ETV1: variants seen among roughly 807,000 people sequenced by gnomAD.
ETV1 encodes ETS translocation variant 1.
A neutral mutation model predicts 62.3 loss-of-function variants in ETV1; 27 were observed. The observed-to-expected ratio is 0.43, with a 90% CI of 0.32 to 0.60. The LOEUF (loss-of-function observed/expected upper bound fraction) is 0.60, where lower values mean the gene tolerates loss of function less well. Ranked by LOEUF, ETV1 falls within the 20% of genes least tolerant of loss-of-function variation. The probability of loss-of-function intolerance (pLI) is 0.06; values close to 1 mark genes in which losing one functional copy is unlikely to be tolerated. For missense variants in ETV1, 605 were observed against 605.8 expected (o/e 1.00, Z 0.01); for synonymous variants, 222 against 199.6 (o/e 1.11, Z -0.94).
chr7:13,964,937 A>C (rs1562690824), intron 6 of ETV1, among the ~76,000 whole-genome samples: 1 of 152,054 alleles, frequency 6.6e-6, no homozygotes, highest in Non-Finnish European at 1.5e-5. Flanking sequence ...TGATATCATT[A>C]ATCTTTATCG....
chr7:13,977,147 T>C (rs536987449), intron 6 of ETV1, among the ~76,000 whole-genome samples: 1 of 152,288 alleles, frequency 6.6e-6, no homozygotes, highest in Admixed American at 6.5e-5. Flanking sequence ...CAAAGATATT[T>C]ACCAATATGA....
intron 9 of ETV1, among the ~76,000 whole-genome samples, chr7:13,911,825 G>A (rs1027887609): frequency 1.3e-5 from 2 of 152,206 alleles, no homozygotes; most frequent in African/African-American, 4.8e-5. Context: ...ATAAAAGACA[G>A]AGTTAACACT....
At chr7:13,927,113 A>T (rs549810503) in intron 9 of ETV1, among the ~76,000 whole-genome samples, 1 of 152,292 alleles carries the variant, frequency 6.6e-6, no homozygotes, top group Admixed American at 6.5e-5. Context: ...CTTCCGTAAG[A>T]ATAGCCTTTG....
At chr7:13,923,891 G>C (rs559222281) in intron 9 of ETV1, among the ~76,000 whole-genome samples, 1 of 152,110 alleles carries the variant, frequency 6.6e-6, no homozygotes, top group South Asian at 2.1e-4. Context: ...AATTAGCCGG[G>C]CATGGTGGTG....
chr7:13,930,224 T>G (rs1421579085), intron 9 of ETV1, among the ~76,000 whole-genome samples: 1 of 152,214 alleles, frequency 6.6e-6, no homozygotes, highest in Non-Finnish European at 1.5e-5. Flanking sequence ...ACAGATGTCC[T>G]GATTTGGCAG....
At chr7:13,973,525 T>C in intron 6 of ETV1, among the ~76,000 whole-genome samples, 1 of 152,222 alleles carries the variant, frequency 6.6e-6, no homozygotes, top group South Asian at 2.1e-4. Flanking sequence ...TGCCCTATTC[T>C]TCTTTTTAAA....
At chr7:13,928,155 C>T (rs1257582519) in intron 9 of ETV1, among the ~76,000 whole-genome samples, 1 of 152,158 alleles carries the variant, frequency 6.6e-6, no homozygotes, top group Non-Finnish European at 1.5e-5. Context: ...GTAATTCTTA[C>T]AGCACAAGAT....
Position 13,904,783 on chromosome 7 carries a change from G to A in ETV1, c.1110+1647C>T, listed in dbSNP as rs145859526. On this transcript the variant is annotated intron_variant, in intron 12 of 13. Coordinates refer to ENST00000430479, the MANE Select transcript of ETV1 (RefSeq NM_004956.5). ...TGAAGAGCACACACTCCCATCATGCGAAAGGGCTTTCAAATTACTTTGTTA... is the reference window on the plus strand; with the variant it reads ...TGAAGAGCACACACTCCCATCATGCAAAAGGGCTTTCAAATTACTTTGTTA... 4.4e-3 allele frequency among the ~76,000 whole-genome samples: 664 copies of A among 151,900 alleles called. 9 individuals are homozygous for A. Among genetic ancestry groups the A allele is most frequent in the African/African-American group, 0.016 (642 of 41,404 alleles).
intron 6 of ETV1, among the ~76,000 whole-genome samples, chr7:13,940,129 G>A (rs555182401): frequency 3.3e-5 from 5 of 152,160 alleles, no homozygotes; most frequent in Non-Finnish European, 7.4e-5. Context: ...TTGGGAGGCC[G>A]AGGCAAGTGG....
At chr7:13,916,930 CA>C (rs112923173) in intron 9 of ETV1, among the ~76,000 whole-genome samples, 45,777 of 129,056 alleles carry the variant, frequency 0.35, 7,128 homozygotes, top group East Asian at 0.44. Context: ...AGACCTTGTC[CA>C]AAAAAAAAAA....
chr7:13,901,972 C>T (rs1467857411), intron 12 of ETV1, among the ~76,000 whole-genome samples: 4 of 151,996 alleles, frequency 2.6e-5, no homozygotes, highest in Non-Finnish European at 5.9e-5. Flanking sequence ...TATATATATC[C>T]CTACCTCATC....
At chr7:13,919,110 A>G (rs889764352) in intron 9 of ETV1, among the ~76,000 whole-genome samples, 2 of 152,156 alleles carry the variant, frequency 1.3e-5, no homozygotes, top group Non-Finnish European at 2.9e-5. Flanking sequence ...CTGCACCCCT[A>G]TTATGTGCTA....
intron 7 of ETV1, among the ~76,000 whole-genome samples, chr7:13,937,354 C>T (rs569477669): frequency 6.6e-6 from 1 of 152,188 alleles, no homozygotes; most frequent in Non-Finnish European, 1.5e-5. Context: ...CTAACTCATT[C>T]TCATGAATGA....
intron 2 of ETV1, 40 bp from the exon 3 acceptor site, chr7:13,989,179 T>C: frequency 1.4e-6 from 1 of 717,242 alleles, no homozygotes; most frequent in South Asian, 1.8e-5. Context: ...TAAAAAAAAA[T>C]CATGAATGAA....
At position 13,935,815 on chromosome 7, in the gene ETV1, A is replaced by G. The variant is rs1292653985; in HGVS notation, c.447T>C (p.His149=). The G allele has an allele frequency of 1.2e-6, 2 of 1,613,918 alleles. No homozygotes were observed. The highest frequency in any genetic ancestry group is 2.2e-5 in the East Asian group (1 of 44,876). Residue 149 remains histidine (H), a synonymous_variant, in exon 8 of 14, where the codon CAT becomes CAC. Transcript: ENST00000430479. Reference sequence around the variant, plus strand: ...TATGAGTTGAGTTTGGAGATGCATGATGCAGTGGGGACACTGGCGTGCTGG... The same window carrying G: ...TATGAGTTGAGTTTGGAGATGCATGGTGCAGTGGGGACACTGGCGTGCTGG... The part of the protein sequence containing the change: ...TPSSTPVSPL[H]HASPNSTHTP...
rs563162858 is a variant in ETV1, at chr7:13,989,000, T to C, written c.45+8A>G. 1.2e-6 allele frequency: 2 copies of C among 1,601,002 alleles called. No individual in the cohort carries two copies. The highest frequency in any genetic ancestry group is 1.1e-5 in the South Asian group (1 of 88,932). The stretch of plus-strand genomic sequence containing the variant: ...TTATAAACAGCAACTTTCAAACTGA[T>C]CACTCACATTGGTGACCATGTAAGG... On this transcript the variant is annotated splice_region_variant and intron_variant, in intron 3 of 13. Coordinates refer to ENST00000430479, the MANE Select transcript of ETV1 (RefSeq NM_004956.5).
intron 6 of ETV1, among the ~76,000 whole-genome samples, chr7:13,967,079 T>C (rs1780365574): frequency 6.6e-6 from 1 of 152,182 alleles, no homozygotes. Flanking sequence ...TACATTAAGA[T>C]TTATTATTCA....
At chr7:13,952,515 A>G (rs1453661933) in intron 6 of ETV1, among the ~76,000 whole-genome samples, 1 of 152,216 alleles carries the variant, frequency 6.6e-6, no homozygotes, top group African/African-American at 2.4e-5. Flanking sequence ...AATCACCATG[A>G]AAAAGCAAAA....
intron 10 of ETV1, among the ~76,000 whole-genome samples, chr7:13,909,920 A>C (rs1045259620): frequency 6.6e-6 from 1 of 152,180 alleles, no homozygotes; most frequent in East Asian, 1.9e-4. Flanking sequence ...GGGTTGCTGT[A>C]GTTTAGAGTG....
Sources: gnomAD v4.1 joint callset for allele counts (sites outside exome capture counted in the v4.1 genomes callset) on GRCh38, gnomAD v4.1.1 for gene constraint, MANE v1.5 for transcripts, NCBI Gene and HGNC (gene_info 2026-07-23, HGNC 2026-07-21) for gene names.